HYDIN: variants seen among roughly 807,000 people sequenced by gnomAD.
HYDIN encodes HYDIN axonemal central pair apparatus protein, also known as axonemal central pair apparatus protein HYDIN.
In HYDIN, 132 loss-of-function variants were observed where a neutral mutation model predicts 403.9. The ratio of observed to expected loss-of-function variants is 0.33; its 90% CI spans 0.28 to 0.38. The LOEUF is 0.38. Ranked by LOEUF, HYDIN falls within the 10% of genes least tolerant of loss-of-function variation. The pLI is 1.00. For missense variants in HYDIN, 2,827 were observed against 5,009.5 expected (o/e 0.56, Z 13.15); for synonymous variants, 1,202 against 1,891.7 (o/e 0.64, Z 9.46).
At chr16:71,056,423 T>C (rs1284574843) in intron 18 of HYDIN, among the ~76,000 whole-genome samples, 1 of 152,166 alleles carries the variant, frequency 6.6e-6, no homozygotes, top group African/African-American at 2.4e-5. Flanking sequence ...TTTTTTTGTA[T>C]AGTATTTGTT....
intron 80 of HYDIN, 48 bp from the exon 81 acceptor site, chr16:70,829,878 C>G: frequency 1.3e-6 from 2 of 1,533,016 alleles, no homozygotes; most frequent in Non-Finnish European, 1.8e-6. Flanking sequence ...CCCCCTGGTC[C>G]GTCTCCAGGG....
chr16:71,098,358 C>T (rs551335007), intron 10 of HYDIN, among the ~76,000 whole-genome samples: 3 of 151,816 alleles, frequency 2.0e-5, no homozygotes, highest in Non-Finnish European at 4.4e-5. Context: ...CCCGCCACCA[C>T]GCCCGGCTAA....
At chr16:71,222,840 G>C (rs2040862916) in intron 1 of HYDIN, among the ~76,000 whole-genome samples, 1 of 152,170 alleles carries the variant, frequency 6.6e-6, no homozygotes, top group Non-Finnish European at 1.5e-5. Context: ...ATAAATAATA[G>C]ATGACACAAA....
rs1216993425 is a variant in HYDIN, at chr16:70,847,486, T to G, written c.12873+2240A>C. On this transcript the variant is annotated intron_variant, in intron 75 of 85. Coordinates refer to ENST00000393567, the MANE Select transcript of HYDIN (RefSeq NM_001270974.2). ...TTCTTGTAGGCCAGTCTGTTAGTGA[T>G]GAATTCTTTCAGGTTTTATTTATCT... is the stretch of plus-strand genomic sequence containing the variant. Among the ~76,000 whole-genome samples the G allele has an allele frequency of 2.0e-5, 3 of 152,194 alleles. No homozygotes were observed. The East Asian group carries it at 5.8e-4, about 29-fold the overall frequency.
At chr16:71,219,217 G>C (rs1481110979) in intron 1 of HYDIN, among the ~76,000 whole-genome samples, 1 of 151,958 alleles carries the variant, frequency 6.6e-6, no homozygotes. Flanking sequence ...AATAAAAACA[G>C]ACACAGATAC....
intron 45 of HYDIN, among the ~76,000 whole-genome samples, chr16:70,934,247 C>T (rs1018085209): frequency 7.3e-5 from 11 of 151,400 alleles, no homozygotes; most frequent in Admixed American, 2.6e-4. Context: ...TGAGGGGTGA[C>T]GAGGCAAAGC....
intron 39 of HYDIN, among the ~76,000 whole-genome samples, chr16:70,956,486 G>A (rs2078241162): frequency 6.6e-6 from 1 of 152,190 alleles, no homozygotes; most frequent in Non-Finnish European, 1.5e-5. Context: ...AGACTTTGCA[G>A]ATGTGATTAA....
chr16:70,931,254 G>A (rs1445079301), intron 45 of HYDIN, among the ~76,000 whole-genome samples: 1 of 96,732 alleles, frequency 1.0e-5, no homozygotes. Context: ...GTCTTGCTGT[G>A]TTGTCCAGGC....
Position 71,186,864 on chromosome 16 carries a change from C to T in HYDIN, c.32G>A (p.Gly11Glu), listed in dbSNP as rs866143233. ...ATTGACCAATCCCATCTGAACAGCC[C>T]CCATGGACTCCTCAAGTCTTCTACT... is the stretch of plus-strand genomic sequence containing the variant. MTSRRLEESM[G>E]AVQMGLVNMF... The change falls in exon 2 of 86, where the codon GGG becomes GAG. Residue 11 changes from glycine to glutamate, a missense_variant. Transcript: ENST00000393567. The T allele has an allele frequency of 5.0e-6, 8 of 1,612,704 alleles. No homozygotes were observed. The highest frequency in any genetic ancestry group is 5.9e-6 in the Non-Finnish European group (7 of 1,179,144).
chr16:70,860,933 ATT>A, intron 69 of HYDIN, 32 bp from the exon 70 acceptor site: 1 of 695,444 alleles, frequency 1.4e-6, no homozygotes, highest in Non-Finnish European at 2.5e-6. Flanking sequence ...TATTTGTTTT[ATT>A]TTGTCATCAG....
chr16:71,089,612 G>A (rs1449440450), intron 11 of HYDIN, among the ~76,000 whole-genome samples: 1 of 152,156 alleles, frequency 6.6e-6, no homozygotes, highest in Non-Finnish European at 1.5e-5. Flanking sequence ...TGGAGCAAAG[G>A]TTACAGACAT....
chr16:71,067,665 G>C (rs4788749), intron 14 of HYDIN, among the ~76,000 whole-genome samples: 1 of 152,044 alleles, frequency 6.6e-6, no homozygotes, highest in African/African-American at 2.4e-5. Context: ...TGCATAAGGG[G>C]AAAAATGAGC....
intron 23 of HYDIN, among the ~76,000 whole-genome samples, chr16:71,011,350 C>T (rs865876851): frequency 6.6e-6 from 1 of 152,146 alleles, no homozygotes; most frequent in Non-Finnish European, 1.5e-5. Context: ...GGATTCTAAC[C>T]AGCCACATCT....
In HYDIN at chr16:70,879,441, C is replaced by T. The variant is rs1365846911; in HGVS notation, c.10413G>A (p.Glu3471=). Residue 3471 remains glutamate (E), a synonymous_variant, in exon 62 of 86, where the codon GAG becomes GAA. Coordinates refer to ENST00000393567, the MANE Select transcript of HYDIN (RefSeq NM_001270974.2). ...SRGLVFDIAG[E]GNLPRVTVVR... ...CAACCGTCACTCGAGGGAGGTTCCCCTCACCAGCGATGTCAAACACGAGGC... is the reference window on the plus strand; with the variant it reads ...CAACCGTCACTCGAGGGAGGTTCCCTTCACCAGCGATGTCAAACACGAGGC... The T allele has an allele frequency of 1.2e-6, 2 of 1,612,474 alleles. No individual in the cohort carries two copies. The highest frequency in any genetic ancestry group is 1.7e-6 in the Non-Finnish European group (2 of 1,179,250).
intron 8 of HYDIN, among the ~76,000 whole-genome samples, chr16:71,136,766 CA>C (rs72061209): frequency 0.4 from 39,898 of 100,798 alleles, 5,445 homozygotes; most frequent in East Asian, 0.6. Flanking sequence ...GACTCCATCT[CA>C]AAAAAAAAAA....
At chr16:71,191,142 A>ATT (rs2087416109) in intron 1 of HYDIN, among the ~76,000 whole-genome samples, 1 of 152,214 alleles carries the variant, frequency 6.6e-6, no homozygotes, top group Admixed American at 6.5e-5. Flanking sequence ...CAGATTAAAC[A>ATT]TTTTTATTTT....
intron 1 of HYDIN, among the ~76,000 whole-genome samples, chr16:71,201,379 T>C (rs1372215824): frequency 3.3e-5 from 5 of 152,148 alleles, no homozygotes; most frequent in African/African-American, 1.2e-4. Context: ...AAAAGAATAA[T>C]TTCGCAGATA....
chr16:70,930,625 G>A (rs2077290226), intron 45 of HYDIN, among the ~76,000 whole-genome samples: 1 of 152,192 alleles, frequency 6.6e-6, no homozygotes, highest in East Asian at 1.9e-4. Flanking sequence ...CGCATTTTCT[G>A]TATAAGCAGC....
intron 6 of HYDIN, among the ~76,000 whole-genome samples, chr16:71,153,138 C>G (rs1453363806): frequency 6.6e-6 from 1 of 151,936 alleles, no homozygotes; most frequent in South Asian, 2.1e-4. Context: ...TCCTCAAACA[C>G]TGAGATTGCT....
Sources: allele counts gnomAD v4.1 joint callset (sites outside exome capture counted in the v4.1 genomes callset), GRCh38; gene constraint gnomAD v4.1.1; transcripts MANE v1.5; gene names NCBI Gene and HGNC (gene_info 2026-07-23, HGNC 2026-07-21).